MDFIC: variants seen among roughly 807,000 people sequenced by gnomAD.
The protein encoded by MDFIC is MyoD family inhibitor domain containing, also known as myoD family inhibitor domain-containing protein.
In MDFIC, 17 loss-of-function variants were observed where a neutral mutation model predicts 23.2. The observed-to-expected ratio is 0.73, with a 90% CI of 0.50 to 1.10. MDFIC has a LOEUF of 1.10. MDFIC is among the 50% of genes least tolerant of loss of function. MDFIC has a pLI of 0.00. For missense variants in MDFIC, 356 were observed against 316.6 expected, an observed-to-expected ratio of 1.12 and a Z score of -0.95; for synonymous variants, 120 against 115.2, an observed-to-expected ratio of 1.04 and a Z score of -0.27.
rs114562251 is a variant in MDFIC at position 114,982,911 on chromosome 7, G to A, written c.493+3130G>A. On this transcript the variant is annotated intron_variant, in intron 4 of 4. Transcript: ENST00000393486. ...TTCTCACATGGCGGAAAGCAGAAGC[G>A]CAAGAGATCAAAAACTGCATGAAGC... is the stretch of plus-strand genomic sequence containing the variant. 4.2e-3 allele frequency among the ~76,000 whole-genome samples: 632 copies of A among 152,236 alleles called. 5 individuals are homozygous for A. Among genetic ancestry groups the A allele is most frequent in the African/African-American group, 0.014 (581 of 41,550 alleles).
chr7:114,940,345 C>A (rs755253995), intron 2 of MDFIC, among the ~76,000 whole-genome samples: 8 of 152,294 alleles, frequency 5.3e-5, no homozygotes, highest in Middle Eastern at 3.4e-3. Flanking sequence ...TGTGAAATCC[C>A]CATGGTACAT....
At chr7:115,007,726 T>C (rs993980004) in intron 4 of MDFIC, among the ~76,000 whole-genome samples, 4 of 148,960 alleles carry the variant, frequency 2.7e-5, no homozygotes, top group Non-Finnish European at 4.4e-5. Flanking sequence ...CAGGCTGGAG[T>C]GCAGTGGCAT....
At chr7:114,985,482 C>G (rs6971286) in intron 4 of MDFIC, among the ~76,000 whole-genome samples, 19,647 of 151,548 alleles carry the variant, frequency 0.13, 1,567 homozygotes, top group East Asian at 0.36. Flanking sequence ...CTCTCTCTCT[C>G]TGTGTGTGTG....
chr7:114,991,395 T>A (rs1791156327), intron 4 of MDFIC, among the ~76,000 whole-genome samples: 1 of 152,164 alleles, frequency 6.6e-6, no homozygotes, highest in South Asian at 2.1e-4. Context: ...TGCCATTGCT[T>A]TTGGTGTTTT....
At chr7:114,963,907 T>C (rs1793041968) in intron 3 of MDFIC, among the ~76,000 whole-genome samples, 1 of 152,206 alleles carries the variant, frequency 6.6e-6, no homozygotes, top group Non-Finnish European at 1.5e-5. Context: ...TAGTGTATTT[T>C]TGTTTACCTT....
At chr7:114,994,294 T>A (rs1201072084) in intron 4 of MDFIC, among the ~76,000 whole-genome samples, 1 of 148,950 alleles carries the variant, frequency 6.7e-6, no homozygotes, top group Non-Finnish European at 1.5e-5. Context: ...GGGTCTTGAC[T>A]CTTTATCCAA....
At chr7:114,929,512 C>A (rs1433911905) in intron 2 of MDFIC, among the ~76,000 whole-genome samples, 1 of 152,112 alleles carries the variant, frequency 6.6e-6, no homozygotes, top group East Asian at 1.9e-4. Flanking sequence ...TGATAGTTTT[C>A]TCGCCTAGCC....
At position 114,979,616 on chromosome 7, in the gene MDFIC, C is replaced by G; in HGVS notation, c.328C>G (p.His110Asp). 1 of 1,614,030 alleles carries G rather than the reference C, an allele frequency of 6.2e-7. No homozygotes were observed. Among genetic ancestry groups the G allele is most frequent in the Non-Finnish European group, 8.5e-7 (1 of 1,179,988 alleles). Residue 110 changes from histidine to aspartate, a missense_variant, in exon 4 of 5, where the codon CAC becomes GAC. Coordinates refer to ENST00000393486, the MANE Select transcript of MDFIC (RefSeq NM_001166345.3). The part of the protein sequence containing the change: ...HTGLSNGNGI[H>D]HGAKHGSADN... ...AGGTCTGAGCAATGGAAATGGAATT[C>G]ACCACGGGGCCAAACACGGATCCGC...
chr7:114,964,121 G>T (rs1372028916), intron 3 of MDFIC, among the ~76,000 whole-genome samples: 2 of 152,066 alleles, frequency 1.3e-5, no homozygotes, highest in African/African-American at 4.8e-5. Context: ...TTGGAATACA[G>T]AATTATATTT....
intron 2 of MDFIC, among the ~76,000 whole-genome samples, chr7:114,930,559 G>A (rs992743325): frequency 7.9e-5 from 12 of 152,176 alleles, no homozygotes; most frequent in Non-Finnish European, 1.5e-4. Context: ...TTTTGGGTGT[G>A]TAAAGGCTTT....
chr7:114,922,856 A>G, intron 1 of MDFIC, 71 bp from the exon 2 acceptor site: 1 of 1,480,042 alleles, frequency 6.8e-7, no homozygotes, highest in Non-Finnish European at 9.1e-7. Flanking sequence ...GGGGGAGGGA[A>G]CGTCCCGCAG....
At chr7:114,985,290 A>G (rs1444430943) in intron 4 of MDFIC, among the ~76,000 whole-genome samples, 3 of 152,098 alleles carry the variant, frequency 2.0e-5, no homozygotes, top group Non-Finnish European at 4.4e-5. Context: ...AGTGTTCGAT[A>G]TGTGTTAGCT....
chr7:114,933,153 G>T (rs1792355593), intron 2 of MDFIC, among the ~76,000 whole-genome samples: 1 of 151,876 alleles, frequency 6.6e-6, no homozygotes, highest in Non-Finnish European at 1.5e-5. Context: ...TAACAAAAAG[G>T]TTTTTAAAAC....
chr7:114,982,338 G>C (rs369402997), intron 4 of MDFIC, among the ~76,000 whole-genome samples: 10 of 152,120 alleles, frequency 6.6e-5, no homozygotes, highest in Admixed American at 2.0e-4. Flanking sequence ...AAAGCAATAA[G>C]AATGGGGAGA....
At chr7:114,989,438 G>A (rs1793567712) in intron 4 of MDFIC, among the ~76,000 whole-genome samples, 1 of 152,054 alleles carries the variant, frequency 6.6e-6, no homozygotes, top group South Asian at 2.1e-4. Flanking sequence ...TTCTTGGTGT[G>A]TATTATTTTG....
At chr7:115,002,608 A>G (rs1407650835) in intron 4 of MDFIC, among the ~76,000 whole-genome samples, 1 of 151,472 alleles carries the variant, frequency 6.6e-6, no homozygotes, top group Non-Finnish European at 1.5e-5. Flanking sequence ...GCACTTGGCA[A>G]CTCTCCCTCC....
intron 4 of MDFIC, among the ~76,000 whole-genome samples, chr7:115,015,384 A>G (rs1450912608): frequency 6.6e-6 from 1 of 152,208 alleles, no homozygotes; most frequent in Non-Finnish European, 1.5e-5. Context: ...TAAGAAGGAT[A>G]GAGAAGTGGT....
At chr7:114,956,337 T>TTA (rs1193658198) in intron 3 of MDFIC, among the ~76,000 whole-genome samples, 13 of 142,280 alleles carry the variant, frequency 9.1e-5, no homozygotes, top group Middle Eastern at 3.5e-3. Flanking sequence ...TACATAAATA[T>TTA]TATATATATA....
rs897400300 is a variant in MDFIC at position 114,996,319 on chromosome 7, C to A, written c.493+16538C>A. Among the ~76,000 whole-genome samples the A allele has an allele frequency of 2.6e-5, 4 of 152,146 alleles. No homozygotes were observed. In the East Asian group the frequency reaches 5.8e-4, roughly 22 times the overall value. ...GTTGCATTTGGGTTTATTTTTAAGG[C>A]AGAACAAGATTTGCTGAAGAATGAG... On this transcript the variant is annotated intron_variant, in intron 4 of 4. Transcript: ENST00000393486.
Sources: gnomAD v4.1 joint callset for allele counts (sites outside exome capture counted in the v4.1 genomes callset) on GRCh38, gnomAD v4.1.1 for gene constraint, MANE v1.5 for transcripts, NCBI Gene and HGNC (gene_info 2026-07-23, HGNC 2026-07-21) for gene names.